ARSH: variants seen among roughly 807,000 people sequenced by gnomAD.
The protein encoded by ARSH is arylsulfatase H.
In ARSH, 32 loss-of-function variants were observed where a neutral mutation model predicts 28.7. The ratio of observed to expected loss-of-function variants is 1.11; its 90% CI spans 0.84 to 1.50. ARSH has a LOEUF of 1.50. Ranked by LOEUF, ARSH falls within the 40% of genes most tolerant of loss-of-function variation. The probability of loss-of-function intolerance (pLI) is 0.00; values close to 1 mark genes in which losing one functional copy is unlikely to be tolerated. For missense variants in ARSH, 440 were observed against 452.4 expected (o/e 0.97, Z 0.25); for synonymous variants, 176 against 177.3 (o/e 0.99, Z 0.06).
intron 7 of ARSH, among the ~76,000 whole-genome samples, chrX:3,028,876 G>C (rs979371342): frequency 9.1e-6 from 1 of 109,778 alleles, no homozygotes; most frequent in Non-Finnish European, 1.9e-5. Context: ...TCAGGAGTTC[G>C]AGACCAGCCT....
chrX:3,025,960 A>G (rs1223937226), intron 6 of ARSH, among the ~76,000 whole-genome samples: 2 of 111,053 alleles, frequency 1.8e-5, no homozygotes, highest in Non-Finnish European at 3.8e-5. Context: ...CCTGTTTCTC[A>G]GGGTGCTTCC....
intron 4 of ARSH, among the ~76,000 whole-genome samples, chrX:3,017,675 C>G (rs1312196756): frequency 1.8e-5 from 2 of 111,973 alleles, no homozygotes; most frequent in Non-Finnish European, 3.8e-5. Flanking sequence ...TCTCTGCCAT[C>G]CTTTGTGAGC....
At chrX:3,012,553 AAAAAAAAAAAAAAAAATATATAT>A (rs1461624378) in intron 2 of ARSH, among the ~76,000 whole-genome samples, 48 of 24,593 alleles carry the variant, frequency 2.0e-3, no homozygotes, top group African/African-American at 9.9e-3. Flanking sequence ...AAAAAAAAAA[AAAAAAAAAAAAAAAAATATATAT>A]ATATATATAT....
intron 5 of ARSH, among the ~76,000 whole-genome samples, chrX:3,022,823 C>G (rs2089887898): frequency 9.0e-6 from 1 of 111,020 alleles, no homozygotes. Context: ...CAGCAAGTCT[C>G]TAAGGGAGGT....
chrX:3,025,721 T>C (rs1010971481), intron 6 of ARSH, among the ~76,000 whole-genome samples: 4 of 110,269 alleles, frequency 3.6e-5, no homozygotes, highest in African/African-American at 6.6e-5. Flanking sequence ...CTAAACCTAG[T>C]AGAAAAAGTG....
chrX:3,012,577 A>ATT (rs2089851593), intron 2 of ARSH, among the ~76,000 whole-genome samples: 1 of 18,761 alleles, frequency 5.3e-5, no homozygotes, highest in Non-Finnish European at 8.5e-5. Flanking sequence ...AAATATATAT[A>ATT]TATATATATA....
chrX:3,031,711 C>T (rs751384325), intron 8 of ARSH, among the ~76,000 whole-genome samples: 10 of 111,526 alleles, frequency 9.0e-5, no homozygotes, highest in African/African-American at 1.3e-4. Flanking sequence ...AAAACAGCCC[C>T]GTAAACAGCA....
In ARSH at chrX:3,006,644, T is replaced by C. The variant is rs1458957875; in HGVS notation, c.32T>C (p.Leu11Pro). 17 of 1,209,485 alleles carry C rather than the reference T, an allele frequency of 1.4e-5. No individual in the cohort carries two copies. Among genetic ancestry groups the C allele is most frequent in the Non-Finnish European group, 1.8e-5 (16 of 895,112 alleles). MTRNARPNIVLLMADDLGVGD... is the reference protein window; with the variant it reads MTRNARPNIVPLMADDLGVGD... Reference sequence around the variant, plus strand: ...AGAAACGCCAGACCCAACATTGTCCTGCTGATGGCAGATGACCTTGGAGTG... The same window carrying C: ...AGAAACGCCAGACCCAACATTGTCCCGCTGATGGCAGATGACCTTGGAGTG... Residue 11 changes from leucine to proline, a missense_variant, in exon 1 of 9, where the codon CTG becomes CCG. By Grantham distance (98) the Leu-to-Pro change is moderately conservative (BLOSUM62 -3). Coordinates refer to ENST00000381130, the MANE Select transcript of ARSH (RefSeq NM_001011719.2).
chrX:3,030,742 T>G (rs1201433658), intron 8 of ARSH, among the ~76,000 whole-genome samples: 4 of 111,701 alleles, frequency 3.6e-5, no homozygotes, highest in African/African-American at 1.3e-4. Context: ...TGGGGATTAT[T>G]ACAACTCAAG....
rs2147456442 is a variant in ARSH at position 3,018,625 on chromosome X, T to C, written c.856T>C (p.Tyr286His). 1 of 1,210,716 alleles carries C rather than the reference T, an allele frequency of 8.3e-7. No homozygotes were observed. The part of the protein sequence containing the change: ...SKKKFVGRSK[Y>H]GRYGDNVEEM... Reference sequence around the variant, plus strand: ...AAAGAAGTTTGTTGGGCGCAGTAAATATGGCAGGTATGGGGACAATGTAGA... The same window carrying C: ...AAAGAAGTTTGTTGGGCGCAGTAAACATGGCAGGTATGGGGACAATGTAGA... Residue 286 changes from tyrosine (Y) to histidine (H), a missense_variant, in exon 5 of 9, where the codon TAT becomes CAT. By Grantham distance (83) the Tyr-to-His change is moderately conservative. Transcript: ENST00000381130.
At chrX:3,016,388 C>A (rs2089866429) in intron 4 of ARSH, among the ~76,000 whole-genome samples, 1 of 110,543 alleles carries the variant, frequency 9.0e-6, no homozygotes. Flanking sequence ...ATTGATTAAA[C>A]CTGGGGGGTA....
At chrX:3,013,438 G>T (rs1173918904) in intron 3 of ARSH, among the ~76,000 whole-genome samples, 1 of 111,024 alleles carries the variant, frequency 9.0e-6, no homozygotes, top group Non-Finnish European at 1.9e-5. Context: ...GGAGGGATAC[G>T]ATGTTTGTGA....
At chrX:3,031,168 G>C (rs2089913006) in intron 8 of ARSH, among the ~76,000 whole-genome samples, 1 of 110,037 alleles carries the variant, frequency 9.1e-6, no homozygotes, top group Non-Finnish European at 1.9e-5. Flanking sequence ...ATAGGATACA[G>C]AAAATTAAGA....
rs139940205 is a variant in ARSH, at chrX:3,014,964, T to C, written c.341-6T>C. 199 of 1,204,223 alleles carry C rather than the reference T, an allele frequency of 1.7e-4. No homozygotes were observed. The African/African-American group carries it at 3.4e-3, about 21-fold the overall frequency. On this transcript the variant is annotated splice_region_variant and splice_polypyrimidine_tract_variant and intron_variant, in intron 3 of 8. Transcript: ENST00000381130. ...CTGCCATGGTACGATTTTATTTTACTTTTAGGCAAATGGCACCTGGGTTTG... is the reference window on the plus strand; with the variant it reads ...CTGCCATGGTACGATTTTATTTTACCTTTAGGCAAATGGCACCTGGGTTTG...
Position 3,033,044 on chromosome X carries a change from G to A in ARSH, c.1348G>A (p.Val450Met), listed in dbSNP as rs772452529. ...TGCAACTGTGTGGAAAGCTCATTAT[G>A]TGACTCCTAAATTCTACCCTGAAGG... ...DCATVWKAHY[V>M]TPKFYPEGTG... Residue 450 changes from valine to methionine, a missense_variant, in exon 9 of 9, where the codon GTG (valine) becomes ATG (methionine). By Grantham distance (21) the Val-to-Met change is conservative. Coordinates refer to ENST00000381130, the MANE Select transcript of ARSH (RefSeq NM_001011719.2). 9 of 1,208,510 alleles carry A rather than the reference G, an allele frequency of 7.4e-6. No individual in the cohort carries two copies. In the Admixed American group the frequency reaches 1.8e-4, roughly 24 times the overall value.
intron 1 of ARSH, among the ~76,000 whole-genome samples, chrX:3,008,547 C>CT (rs1182074260): frequency 2.0e-4 from 16 of 79,828 alleles, no homozygotes; most frequent in Non-Finnish European, 3.2e-4. Flanking sequence ...TCCTCTATCT[C>CT]TTTTTTTTCC....
chrX:3,024,232 A>G lies in ARSH; in HGVS notation c.1036+77A>G, dbSNP rs1357972773. The G allele has an allele frequency of 8.4e-6, 8 of 956,154 alleles. No individual in the cohort carries two copies. In the Admixed American group the frequency reaches 2.7e-4, roughly 32 times the overall value. The allele number at this position is 956,154 out of a possible 1,213,427, so 78.8% of individuals were successfully genotyped here. A position where few individuals can be genotyped will look rare whatever the true frequency, so the allele number is the denominator to read the frequency against. On this transcript the variant is annotated intron_variant, in intron 6 of 8. Transcript: ENST00000381130. The stretch of plus-strand genomic sequence containing the variant: ...ATTGGCTTTGTGTTTGCTTGAATTC[A>G]TTTGCCATGATGTTCAGATATTTTG...
At chrX:3,020,164 G>A (rs2089877707) in intron 5 of ARSH, among the ~76,000 whole-genome samples, 1 of 103,402 alleles carries the variant, frequency 9.7e-6, no homozygotes, top group South Asian at 4.6e-4. Context: ...TCACACGCAC[G>A]CCTTGTAGTT....
intron 6 of ARSH, 111 bp downstream of exon 6, chrX:3,024,266 T>C (rs2089892816): frequency 1.2e-6 from 1 of 825,205 alleles, no homozygotes; most frequent in Non-Finnish European, 1.6e-6. Flanking sequence ...TGATGTGAGT[T>C]AGACTCTTAT....
Sources: allele counts gnomAD v4.1 joint callset (sites outside exome capture counted in the v4.1 genomes callset), GRCh38; gene constraint gnomAD v4.1.1; transcripts MANE v1.5; gene names NCBI Gene and HGNC (gene_info 2026-07-23, HGNC 2026-07-21).